Variants in BCAT2 observed in about 807,000 individuals in gnomAD.
BCAT2 encodes branched-chain-amino-acid aminotransferase, mitochondrial.
BCAT2 carries 44 observed loss-of-function variants against 52.9 expected under a neutral mutation model. The ratio of observed to expected loss-of-function variants is 0.83; its 90% CI spans 0.65 to 1.07. The LOEUF is 1.07. Among genes scored for constraint, BCAT2 ranks in the 50% least tolerant of loss-of-function variants. The pLI is 0.00. For missense variants in BCAT2, 478 were observed against 521.8 expected (o/e 0.92, Z 0.82); for synonymous variants, 215 against 217.1 (o/e 0.99, Z 0.08).
rs763609699 is a variant in BCAT2 at position 48,796,409 on chromosome 19, C to G, written c.1140+19G>C. 18 of 1,614,022 alleles carry G rather than the reference C, an allele frequency of 1.1e-5. No individual in the cohort carries two copies. Among genetic ancestry groups the G allele is most frequent in the African/African-American group, 2.7e-5 (2 of 74,928 alleles). On this transcript the variant is annotated intron_variant, in intron 10 of 10. Coordinates refer to ENST00000316273, the MANE Select transcript of BCAT2 (RefSeq NM_001190.4). ...AGGGAACAAGCTCCCAGCCCATTCC[C>G]CAGCTCCCTGCAGCTCACCTGGATC...
In BCAT2 at chr19:48,806,740, T is replaced by C. The variant is rs571753829; in HGVS notation, c.100-23A>G. On this transcript the variant is annotated intron_variant, in intron 2 of 10. Coordinates refer to ENST00000316273, the MANE Select transcript of BCAT2 (RefSeq NM_001190.4). ...AGCCTGAGGAAAGACAGGGGTATCC[T>C]AGAATCTGGCCACAACCTCCCAGCT... 2.5e-6 allele frequency: 4 copies of C among 1,609,852 alleles called. No homozygotes were observed. In the South Asian group the frequency reaches 4.4e-5, roughly 18 times the overall value.
In BCAT2 at chr19:48,795,395, G is replaced by A. The variant is rs530773752; in HGVS notation, c.*31C>T. 1 of 1,613,770 alleles carries A rather than the reference G, an allele frequency of 6.2e-7. No individual in the cohort carries two copies. The highest frequency in any genetic ancestry group is 8.5e-7 in the Non-Finnish European group (1 of 1,179,918). On this transcript the variant is annotated 3_prime_UTR_variant, in exon 11 of 11. Coordinates refer to ENST00000316273, the MANE Select transcript of BCAT2 (RefSeq NM_001190.4). ...AGTGCTGGCGTGACGAGATGCTACG[G>A]GTCGGTGGATCTGGAGCACAGCCTG...
At chr19:48,810,940 C>T in intron 1 of BCAT2, 44 bp downstream of exon 1, 1 of 1,600,240 alleles carries the variant, frequency 6.2e-7, no homozygotes, top group Middle Eastern at 1.7e-4. Flanking sequence ...AAGTGCGCCT[C>T]CCCCGGTTAT....
Position 48,796,598 on chromosome 19 carries a change from G to C in BCAT2, c.1045C>G (p.Arg349Gly). 1 of 1,613,328 alleles carries C rather than the reference G, an allele frequency of 6.2e-7. No homozygotes were observed. The highest frequency in any genetic ancestry group is 8.5e-7 in the Non-Finnish European group (1 of 1,179,964). Residue 349 changes from arginine to glycine, a missense_variant, in exon 9 of 11, where the codon CGA becomes GGA. Transcript: ENST00000316273. Reference protein sequence around the residue: ...GTACQVCPVHRILYKDRNLHI... With the variant: ...GTACQVCPVHGILYKDRNLHI... Reference sequence around the variant, plus strand: ...CTCACCCTGTCTTTGTACAGGATTCGGTGCACTGGGCAGACCTGGCAAGCG... The same window carrying C: ...CTCACCCTGTCTTTGTACAGGATTCCGTGCACTGGGCAGACCTGGCAAGCG...
rs939498734 is a variant in BCAT2, at chr19:48,807,152, A to G, written c.25-78T>C. On this transcript the variant is annotated intron_variant, in intron 1 of 10. Coordinates refer to ENST00000316273, the MANE Select transcript of BCAT2 (RefSeq NM_001190.4). The surrounding 1 kb of genome is among the most constrained non-coding windows in gnomAD (Gnocchi z 4.6). ...TGGCAGCTCGCTCGCCACCTCCTGC[A>G]CTTGGAGGTCCCACTGGCCTGCCTG... The G allele has an allele frequency of 4.9e-6, 6 of 1,224,614 alleles. No individual in the cohort carries two copies. In the Admixed American group the frequency reaches 1.0e-4, roughly 21 times the overall value. The allele number at this position is 1,224,614 out of a possible 1,614,324, so 75.9% of individuals were successfully genotyped here.
At position 48,807,362 on chromosome 19, in the gene BCAT2, TC is replaced by T. The variant is rs911922691; in HGVS notation, c.25-289del. 9.3e-5 allele frequency: 31 copies of T among 332,438 alleles called. 1 individual carries two copies. Among genetic ancestry groups the T allele is most frequent in the African/African-American group, 3.7e-4 (17 of 45,528 alleles). 20.6% of individuals were successfully genotyped at this position (332,438 alleles called of 1,614,324 possible). On this transcript the variant is annotated intron_variant, in intron 1 of 10. Coordinates refer to ENST00000316273, the MANE Select transcript of BCAT2 (RefSeq NM_001190.4). This position sits in a 1 kb window ranked among gnomAD's most constrained non-coding sequence, Gnocchi z 4.6. ...GAGACCTTTGGTCGCAGCCTGGAGA[TC>T]AGCTCAGACAAGAAAACAACCAGGG...
At chr19:48,806,469 G>A (rs368226719) in intron 3 of BCAT2, 48 bp downstream of exon 3, 2 of 1,601,320 alleles carry the variant, frequency 1.2e-6, no homozygotes, top group Non-Finnish European at 1.7e-6. Context: ...ACAGCAAGGA[G>A]GAGGAGATGC....
In BCAT2 at chr19:48,795,219, C is replaced by T; in HGVS notation, c.*207G>A. ...ACAAGGAGTAATGGGCGGACCTGAA[C>T]CCGCGACGAGGGGCTGGGGGCCAAG... On this transcript the variant is annotated 3_prime_UTR_variant, in exon 11 of 11. Coordinates refer to ENST00000316273, the MANE Select transcript of BCAT2 (RefSeq NM_001190.4). The T allele has an allele frequency of 1.6e-6, 1 of 639,828 alleles. No homozygotes were observed. The highest frequency in any genetic ancestry group is 2.8e-6 in the Non-Finnish European group (1 of 361,126). 39.6% of individuals were successfully genotyped at this position (639,828 alleles called of 1,614,324 possible). A position where few individuals can be genotyped will look rare whatever the true frequency, so the allele number is the denominator to read the frequency against.
At chr19:48,808,433 C>T in intron 1 of BCAT2, 1 of 253,062 alleles carries the variant, frequency 4.0e-6, no homozygotes, top group Non-Finnish European at 6.2e-6. Flanking sequence ...AAATTGACGC[C>T]AAGAAACAAG....
intron 1 of BCAT2, chr19:48,810,757 T>A: frequency 5.0e-3 from 2,656 of 534,810 alleles, no homozygotes; most frequent in Non-Finnish European, 5.8e-3. Flanking sequence ...TTTTTTTACC[T>A]CCCCGCCAAT....
At chr19:48,798,009 A>T (rs927092528) in intron 6 of BCAT2, among the ~76,000 whole-genome samples, 1 of 142,294 alleles carries the variant, frequency 7.0e-6, no homozygotes, top group Non-Finnish European at 1.5e-5. Context: ...TTATATTTAT[A>T]TGCCCGCCTC....
chr19:48,805,682 C>T (rs1413205456), intron 3 of BCAT2, among the ~76,000 whole-genome samples: 1 of 146,054 alleles, frequency 6.8e-6, no homozygotes, highest in Non-Finnish European at 1.5e-5. Flanking sequence ...CCTGCCATCC[C>T]TCCCCCGGCT....
rs1163814864 is a variant in BCAT2 at position 48,799,611 on chromosome 19, C to T, written c.695+64G>A. On this transcript the variant is annotated intron_variant, in intron 6 of 10. Coordinates refer to ENST00000316273, the MANE Select transcript of BCAT2 (RefSeq NM_001190.4). The surrounding 1 kb of genome is among the most constrained non-coding windows in gnomAD (Gnocchi z 5.5). ...CCAGAGGCATGGCCGAAAGCACGCACGCTGGTCCCTGTGTCTCCAACGCCC... is the reference window on the plus strand; with the variant it reads ...CCAGAGGCATGGCCGAAAGCACGCATGCTGGTCCCTGTGTCTCCAACGCCC... The T allele has an allele frequency of 6.8e-7, 1 of 1,479,712 alleles. No homozygotes were observed. Among genetic ancestry groups the T allele is most frequent in the Non-Finnish European group, 9.0e-7 (1 of 1,115,806 alleles). 91.7% of individuals were successfully genotyped at this position (1,479,712 alleles called of 1,614,324 possible).
Position 48,796,726 on chromosome 19 carries a change from G to A in BCAT2, c.925-8C>T. On this transcript the variant is annotated splice_region_variant and splice_polypyrimidine_tract_variant and intron_variant, in intron 8 of 10. Transcript: ENST00000316273. ...CACCACCCGGAACTCACCCTGCAGG[G>A]CAGTTGGCAGAGACACGTGTCCCCA... 6.2e-7 allele frequency: 1 copy of A among 1,608,262 alleles called. No individual in the cohort carries two copies. Among genetic ancestry groups the A allele is most frequent in the Non-Finnish European group, 8.5e-7 (1 of 1,177,890 alleles).
intron 6 of BCAT2, 59 bp from the exon 7 acceptor site, chr19:48,797,392 C>T: frequency 6.3e-7 from 1 of 1,596,588 alleles, no homozygotes; most frequent in South Asian, 1.1e-5. Context: ...CCCAGCCCAG[C>T]CCCAGAGGAG....
Position 48,796,480 on chromosome 19 carries a change from T to A in BCAT2, c.1088A>T (p.Glu363Val). The A allele has an allele frequency of 1.9e-6, 3 of 1,613,846 alleles. No homozygotes were observed. The highest frequency in any genetic ancestry group is 2.5e-6 in the Non-Finnish European group (3 of 1,179,968). Residue 363 changes from glutamate (E) to valine (V), a missense_variant, in exon 10 of 11, where the codon GAA (glutamate) becomes GTA (valine). Transcript: ENST00000316273. ...GCGGAGGATCAGCTCAGGCCCATTT[T>A]CCATGGTGGGAATGTGGAGGTTCTG... Reference protein sequence around the residue: ...KDRNLHIPTMENGPELILRFQ... With the variant: ...KDRNLHIPTMVNGPELILRFQ...
At chr19:48,803,160 A>T (rs2034692735) in intron 3 of BCAT2, among the ~76,000 whole-genome samples, 1 of 151,982 alleles carries the variant, frequency 6.6e-6, no homozygotes, top group Non-Finnish European at 1.5e-5. Flanking sequence ...ATGCCACTGC[A>T]CTCCAGCCTG....
chr19:48,799,686 G>T lies in BCAT2; in HGVS notation c.684C>A (p.Tyr228Ter). The change falls in exon 6 of 11, where the codon TAC becomes TAA. Residue 228 changes from tyrosine (Y) to a stop codon, truncating the protein, a stop_gained. Transcript: ENST00000316273. LOFTEE classifies it high-confidence loss of function. This position sits in a 1 kb window ranked among gnomAD's most constrained non-coding sequence, Gnocchi z 5.5. Reference sequence around the variant, plus strand: ...GGGGTGCTACTTACCCACCTAACTTGTAGTTGCCGACCCCGCCCACCCAGG... The same window carrying T: ...GGGGTGCTACTTACCCACCTAACTTTTAGTTGCCGACCCCGCCCACCCAGG... ...IRAWVGGVGN[Y>*]KLGGNYGPTV... The T allele has an allele frequency of 6.3e-7, 1 of 1,584,734 alleles. No individual in the cohort carries two copies. Among genetic ancestry groups the T allele is most frequent in the African/African-American group, 1.4e-5 (1 of 73,730 alleles).
At chr19:48,803,126 C>T (rs1363373613) in intron 3 of BCAT2, among the ~76,000 whole-genome samples, 2 of 152,164 alleles carry the variant, frequency 1.3e-5, no homozygotes, top group Admixed American at 6.5e-5. Flanking sequence ...GCCTAGGAGG[C>T]GGAGGTTGCA....
Sources: gnomAD v4.1 joint callset for allele counts (sites outside exome capture counted in the v4.1 genomes callset) on GRCh38, gnomAD v4.1.1 for gene constraint, Gnocchi (gnomAD v3.1) non-coding constraint, MANE v1.5 for transcripts, NCBI Gene and HGNC (gene_info 2026-07-23, HGNC 2026-07-21) for gene names.